ANK1: variants seen among roughly 807,000 people sequenced by gnomAD.
ANK1 encodes ankyrin 1.
In ANK1, 51 loss-of-function variants were observed where a neutral mutation model predicts 210.4. The observed-to-expected ratio is 0.24, with a 90% CI of 0.19 to 0.31. The LOEUF (loss-of-function observed/expected upper bound fraction) is 0.31. Among genes scored for constraint, ANK1 ranks in the 10% least tolerant of loss-of-function variants. ANK1 has a pLI of 1.00. For missense variants in ANK1, 2,051 were observed against 2,504.4 expected (o/e 0.82, Z 3.86); for synonymous variants, 967 against 1,025.9 (o/e 0.94, Z 1.10).
chr8:41,835,385 G>T (rs1236613487), intron 1 of ANK1, among the ~76,000 whole-genome samples: 1 of 152,204 alleles, frequency 6.6e-6, no homozygotes. Context: ...CCGGGAGGTG[G>T]AGGTAGCAGT....
At chr8:41,872,857 G>A (rs1196926308) in intron 1 of ANK1, among the ~76,000 whole-genome samples, 2 of 152,218 alleles carry the variant, frequency 1.3e-5, no homozygotes, top group South Asian at 2.1e-4. Flanking sequence ...CCGCCCTCGC[G>A]AGCCACCCCA....
rs543662442 is a variant in ANK1, at chr8:41,707,335, C to T, written c.1999-1094G>A. ...ACTTTGCCTCAATACACTTTGCTAG[C>T]GTGGGACCAACAAAACGGATTTCTC... is the stretch of plus-strand genomic sequence containing the variant. On this transcript the variant is annotated intron_variant, in intron 17 of 42. Coordinates refer to ENST00000289734, the MANE Select transcript of ANK1 (RefSeq NM_000037.4). Among the ~76,000 whole-genome samples, 14 of 152,332 alleles carry T rather than the reference C, an allele frequency of 9.2e-5. 1 individual carries two copies. The highest frequency in any genetic ancestry group is 8.5e-4 in the Admixed American group (13 of 15,300).
chr8:41,727,164 G>A, intron 5 of ANK1, 86 bp downstream of exon 5: 3 of 1,031,400 alleles, frequency 2.9e-6, no homozygotes, highest in Middle Eastern at 4.0e-4. Flanking sequence ...TGCACCCCAA[G>A]CCACATCCCA....
At chr8:41,778,894 T>C (rs887607128) in intron 1 of ANK1, among the ~76,000 whole-genome samples, 9 of 152,218 alleles carry the variant, frequency 5.9e-5, no homozygotes, top group Non-Finnish European at 1.0e-4. Flanking sequence ...AAGCCCGCGC[T>C]CATAGAGCTG....
intron 21 of ANK1, 58 bp from the exon 22 acceptor site, chr8:41,701,680 C>CGCTGGGCTGGTAAAAA: frequency 6.4e-7 from 1 of 1,558,680 alleles, no homozygotes; most frequent in Non-Finnish European, 8.8e-7. Context: ...CATTTTTTAC[C>CGCTGGGCTGGTAAAAA]AGCCCAGCGG....
At chr8:41,887,342 C>T (rs1025485215) in intron 1 of ANK1, among the ~76,000 whole-genome samples, 3 of 145,364 alleles carry the variant, frequency 2.1e-5, no homozygotes, top group Admixed American at 7.1e-5. Flanking sequence ...TTGAACTCCC[C>T]TGGGCTCAAG....
chr8:41,887,027 G>C (rs978330544), intron 1 of ANK1, among the ~76,000 whole-genome samples: 1 of 152,026 alleles, frequency 6.6e-6, no homozygotes, highest in African/African-American at 2.4e-5. Context: ...AGTACATTCC[G>C]TTACCTACTT....
intron 1 of ANK1, among the ~76,000 whole-genome samples, chr8:41,870,734 C>T (rs1411844934): frequency 6.6e-6 from 1 of 152,338 alleles, no homozygotes. Context: ...GCCCGGCACA[C>T]ACGTTAGCCG....
At chr8:41,698,749 A>G (rs772078656) in intron 23 of ANK1, among the ~76,000 whole-genome samples, 72 of 152,104 alleles carry the variant, frequency 4.7e-4, no homozygotes, top group Non-Finnish European at 8.5e-4. Context: ...GTATACAGTC[A>G]AGAGTTCGAG....
At chr8:41,817,557 G>A (rs968157561) in intron 1 of ANK1, among the ~76,000 whole-genome samples, 22 of 152,194 alleles carry the variant, frequency 1.4e-4, no homozygotes, top group Admixed American at 3.9e-4. Flanking sequence ...TCTTCAGTTT[G>A]CTCCTTTATA....
At chr8:41,726,416 G>T (rs1830714937) in intron 5 of ANK1, among the ~76,000 whole-genome samples, 1 of 152,032 alleles carries the variant, frequency 6.6e-6, no homozygotes, top group South Asian at 2.1e-4. Context: ...TTGAGACAGG[G>T]TCTCACTCTG....
chr8:41,736,971 A>G (rs1470855137), intron 2 of ANK1, among the ~76,000 whole-genome samples: 1 of 152,158 alleles, frequency 6.6e-6, no homozygotes, highest in Non-Finnish European at 1.5e-5. Context: ...ATTTCCCAGA[A>G]AAAAGGAGGT....
intron 3 of ANK1, among the ~76,000 whole-genome samples, chr8:41,729,966 C>T (rs1433623229): frequency 6.6e-6 from 1 of 152,242 alleles, no homozygotes; most frequent in Non-Finnish European, 1.5e-5. Context: ...ACCCATCTGT[C>T]CCTGCACTAC....
At chr8:41,686,612 A>C (rs1430747979) in intron 35 of ANK1, among the ~76,000 whole-genome samples, 1 of 152,216 alleles carries the variant, frequency 6.6e-6, no homozygotes, top group Non-Finnish European at 1.5e-5. Context: ...CAAGGTCAGC[A>C]ACTTCTGCAA....
At chr8:41,777,747 C>G (rs534711166) in intron 1 of ANK1, among the ~76,000 whole-genome samples, 1 of 152,164 alleles carries the variant, frequency 6.6e-6, no homozygotes, top group Non-Finnish European at 1.5e-5. Flanking sequence ...CTTTCATAAT[C>G]TCCTTTTCAA....
chr8:41,797,676 G>T, upstream of ANK1: 1 of 1,343,540 alleles, frequency 7.4e-7, no homozygotes, highest in Non-Finnish European at 9.8e-7. This position sits in a 1 kb window ranked among gnomAD's most constrained non-coding sequence, Gnocchi z 4.0. Context: ...GGCCCCAGAG[G>T]CGCTTGCTGT....
chr8:41,684,816 C>A (rs1817238723), intron 36 of ANK1, 126 bp from the exon 37 acceptor site: 8 of 1,230,558 alleles, frequency 6.5e-6, no homozygotes, highest in South Asian at 5.1e-5. Context: ...TGGAGGCACC[C>A]TCTTTTATTA....
chr8:41,672,083 C>A (rs780843476), intron 38 of ANK1, among the ~76,000 whole-genome samples: 1 of 151,988 alleles, frequency 6.6e-6, no homozygotes, highest in African/African-American at 2.4e-5. Context: ...GCCCTCCCGG[C>A]GCCCATATGT....
upstream of ANK1, among the ~76,000 whole-genome samples, chr8:41,798,779 C>A (rs767297546): frequency 6.6e-6 from 1 of 152,140 alleles, no homozygotes; most frequent in Non-Finnish European, 1.5e-5. Flanking sequence ...CGCTGGGGGC[C>A]TCTGGTGCAG....
Sources: allele counts gnomAD v4.1 joint callset (sites outside exome capture counted in the v4.1 genomes callset), GRCh38; gene constraint gnomAD v4.1.1; non-coding constraint Gnocchi (gnomAD v3.1); transcripts MANE v1.5; gene names NCBI Gene and HGNC (gene_info 2026-07-23, HGNC 2026-07-21).